Variants in C11orf97 observed in about 807,000 individuals in gnomAD.
C11orf97 encodes the protein uncharacterized protein C11orf97.
A neutral mutation model predicts 16.2 loss-of-function variants in C11orf97; 15 were observed. The ratio of observed to expected loss-of-function variants is 0.93; its 90% CI spans 0.62 to 1.43. C11orf97 has a LOEUF of 1.43. Ranked by LOEUF, C11orf97 falls within the 40% of genes most tolerant of loss-of-function variation. The probability of loss-of-function intolerance (pLI) is 0.00; values close to 1 mark genes in which losing one functional copy is unlikely to be tolerated. For synonymous variants in C11orf97, 61 were observed against 65.7 expected, an observed-to-expected ratio of 0.93 and a Z score of 0.34; for missense variants, 171 against 161.2, an observed-to-expected ratio of 1.06 and a Z score of -0.33.
Position 94,531,894 on chromosome 11 carries a change from A to G in C11orf97, c.377-2A>G. ...TTTTTTCACTTTTTTTTTTAACTCT[A>G]GGATAAGATGAATTAGATTTTCCAT... On this transcript the variant is annotated splice_acceptor_variant, in intron 3 of 3. Coordinates refer to ENST00000542198, the MANE Select transcript of C11orf97 (RefSeq NM_001190462.2). LOFTEE classifies it high-confidence loss of function. 6.8e-7 allele frequency: 1 copy of G among 1,464,790 alleles called. No homozygotes were observed. The highest frequency in any genetic ancestry group is 9.0e-7 in the Non-Finnish European group (1 of 1,109,624). The allele number at this position is 1,464,790 out of a possible 1,614,324, so 90.7% of individuals were successfully genotyped here. A position where few individuals can be genotyped will look rare whatever the true frequency, so the allele number is the denominator to read the frequency against.
intron 1 of C11orf97, among the ~76,000 whole-genome samples, chr11:94,513,515 C>T (rs1224252691): frequency 6.6e-6 from 1 of 152,334 alleles, no homozygotes; most frequent in South Asian, 2.1e-4. Flanking sequence ...CTCTGGAGAG[C>T]AGACTGGGTT....
Position 94,512,566 on chromosome 11 carries a change from TG to T in C11orf97, c.40del (p.Ala14ArgfsTer30). 7.6e-7 allele frequency: 1 copy of T among 1,308,322 alleles called. No individual in the cohort carries two copies. Among genetic ancestry groups the T allele is most frequent in the Non-Finnish European group, 9.7e-7 (1 of 1,028,026 alleles). 81.0% of individuals were successfully genotyped at this position (1,308,322 alleles called of 1,614,324 possible). A position where few individuals can be genotyped will look rare whatever the true frequency, so the allele number is the denominator to read the frequency against. On this transcript the variant is annotated frameshift_variant, in exon 1 of 4. Transcript: ENST00000542198. LOFTEE classifies it high-confidence loss of function. ...GEEAVVVTAV[V>X]APKAGREEEQ... is the part of the protein sequence containing the mutation. ...GAGGCGGTGGTGGTGACCGCAGTGG[TG>T]GCGCCCAAGGCGGGTCGCGAAGAGG... is the stretch of plus-strand genomic sequence containing the variant.
rs1048618955 is a variant in C11orf97, at chr11:94,532,080, A to G, written c.*180A>G. ...TCCAAAGTAATGAAAGACTATTGGT[A>G]ATGTTCAGTAAGTACCTGAAAACAA... On this transcript the variant is annotated 3_prime_UTR_variant, in exon 4 of 4. Transcript: ENST00000542198. The G allele has an allele frequency of 4.4e-5, 18 of 408,928 alleles. No individual in the cohort carries two copies. The South Asian group carries it at 6.2e-4, about 14-fold the overall frequency. 25.3% of individuals were successfully genotyped at this position (408,928 alleles called of 1,614,324 possible). A position where few individuals can be genotyped will look rare whatever the true frequency, so the allele number is the denominator to read the frequency against.
intron 2 of C11orf97, among the ~76,000 whole-genome samples, chr11:94,523,326 T>C (rs1947674549): frequency 2.0e-5 from 3 of 152,202 alleles, no homozygotes; most frequent in Admixed American, 2.0e-4. Flanking sequence ...CTAAGCATAT[T>C]TGTAGCTATG....
Position 94,528,068 on chromosome 11 carries a change from T to C in C11orf97, c.251-16T>C, listed in dbSNP as rs1002429407. The C allele has an allele frequency of 1.3e-6, 2 of 1,515,382 alleles. No individual in the cohort carries two copies. 93.9% of individuals were successfully genotyped at this position (1,515,382 alleles called of 1,614,324 possible). A position where few individuals can be genotyped will look rare whatever the true frequency, so the allele number is the denominator to read the frequency against. On this transcript the variant is annotated splice_polypyrimidine_tract_variant and intron_variant, in intron 2 of 3. Transcript: ENST00000542198. Reference sequence around the variant, plus strand: ...TACGCTAATAATTATTTTCTTGCCTTAAAAAATATTGACAGTGGCCCTGGA... The same window carrying C: ...TACGCTAATAATTATTTTCTTGCCTCAAAAAATATTGACAGTGGCCCTGGA...
intron 2 of C11orf97, among the ~76,000 whole-genome samples, chr11:94,527,731 C>T (rs1477095919): frequency 6.6e-6 from 1 of 152,082 alleles, no homozygotes; most frequent in African/African-American, 2.4e-5. Flanking sequence ...TTTTCTCTTA[C>T]TGTAGGAATT....
At chr11:94,523,351 G>T (rs752911733) in intron 2 of C11orf97, among the ~76,000 whole-genome samples, 28 of 152,126 alleles carry the variant, frequency 1.8e-4, no homozygotes, top group Non-Finnish European at 7.3e-5. Context: ...AATTAGCTGG[G>T]TTTGTTTGAA....
At chr11:94,521,287 A>G (rs552293352) in intron 2 of C11orf97, among the ~76,000 whole-genome samples, 3 of 152,306 alleles carry the variant, frequency 2.0e-5, no homozygotes, top group South Asian at 4.1e-4. Flanking sequence ...TGATTTTTCA[A>G]TGTGATGGTG....
intron 2 of C11orf97, among the ~76,000 whole-genome samples, chr11:94,527,268 C>A (rs544427945): frequency 6.6e-6 from 1 of 152,278 alleles, no homozygotes; most frequent in South Asian, 2.1e-4. Flanking sequence ...AGTGGGCAGC[C>A]TTGGATCTGT....
chr11:94,518,603 C>T (rs1947632424), intron 2 of C11orf97, among the ~76,000 whole-genome samples: 1 of 152,172 alleles, frequency 6.6e-6, no homozygotes, highest in Non-Finnish European at 1.5e-5. Context: ...GAAAGAGATG[C>T]TCTAGGAGCC....
intron 2 of C11orf97, among the ~76,000 whole-genome samples, chr11:94,524,588 A>AAG (rs1947685058): frequency 6.6e-6 from 1 of 151,152 alleles, no homozygotes; most frequent in African/African-American, 2.4e-5. Flanking sequence ...CTCATCCTGA[A>AAG]AAAAAAAAAA....
chr11:94,531,927 G>C lies in C11orf97; in HGVS notation c.*27G>C. 1 of 1,456,714 alleles carries C rather than the reference G, an allele frequency of 6.9e-7. No individual in the cohort carries two copies. The highest frequency in any genetic ancestry group is 9.0e-7 in the Non-Finnish European group (1 of 1,107,578). The allele number at this position is 1,456,714 out of a possible 1,614,324, so 90.2% of individuals were successfully genotyped here. On this transcript the variant is annotated 3_prime_UTR_variant, in exon 4 of 4. Coordinates refer to ENST00000542198, the MANE Select transcript of C11orf97 (RefSeq NM_001190462.2). ...ATGAATTAGATTTTCCATTAAGAAG[G>C]AACCTCTTTCTGCTGATGTCTGAAG...
chr11:94,516,528 ACT>A (rs1369902485), intron 1 of C11orf97, among the ~76,000 whole-genome samples: 1 of 152,154 alleles, frequency 6.6e-6, no homozygotes, highest in Non-Finnish European at 1.5e-5. Context: ...CTGTTCTAAG[ACT>A]CTGATGAACT....
At chr11:94,526,635 A>C (rs1361843448) in intron 2 of C11orf97, among the ~76,000 whole-genome samples, 3 of 152,212 alleles carry the variant, frequency 2.0e-5, no homozygotes, top group East Asian at 3.8e-4. Flanking sequence ...AATAAATGTC[A>C]TAGGCTCCTA....
intron 2 of C11orf97, among the ~76,000 whole-genome samples, chr11:94,518,169 T>G (rs4593974): frequency 0.57 from 79,963 of 140,188 alleles, 23,477 homozygotes; most frequent in African/African-American, 0.63. Context: ...AAAAAAAAGA[T>G]CTAGATATCA....
intron 3 of C11orf97, among the ~76,000 whole-genome samples, chr11:94,529,126 G>A (rs971185551): frequency 3.3e-5 from 5 of 152,136 alleles, no homozygotes; most frequent in African/African-American, 9.7e-5. Flanking sequence ...GAGTAGAAAT[G>A]CTGGGATTTG....
intron 2 of C11orf97, among the ~76,000 whole-genome samples, chr11:94,518,684 A>G (rs1565252535): frequency 6.6e-6 from 1 of 152,190 alleles, no homozygotes; most frequent in Non-Finnish European, 1.5e-5. Flanking sequence ...AACGATTACT[A>G]GATGCATATT....
intron 2 of C11orf97, among the ~76,000 whole-genome samples, 181 bp from the exon 3 acceptor site, chr11:94,527,903 G>A (rs7946384): frequency 0.064 from 9,728 of 152,080 alleles, 1,063 homozygotes; most frequent in African/African-American, 0.22. Context: ...GAGAATAGTT[G>A]AATAAATGAA....
intron 1 of C11orf97, among the ~76,000 whole-genome samples, chr11:94,513,625 G>A (rs2135175898): frequency 6.6e-6 from 1 of 152,256 alleles, no homozygotes; most frequent in South Asian, 2.1e-4. Flanking sequence ...CCTCCCCAGA[G>A]ACCTCATCAA....
Sources: allele counts gnomAD v4.1 joint callset (sites outside exome capture counted in the v4.1 genomes callset), GRCh38; gene constraint gnomAD v4.1.1; transcripts MANE v1.5; gene names NCBI Gene and HGNC (gene_info 2026-07-23, HGNC 2026-07-21).